WDR33: variants seen among roughly 807,000 people sequenced by gnomAD.
WDR33 encodes pre-mRNA 3' end processing protein WDR33.
A neutral mutation model predicts 164.9 loss-of-function variants in WDR33; 47 were observed. That is an observed-to-expected ratio of 0.29 (90% CI 0.23 to 0.36). The LOEUF (loss-of-function observed/expected upper bound fraction) is 0.36, where lower values mean the gene tolerates loss of function less well. WDR33 is among the 10% of genes least tolerant of loss of function. WDR33 has a pLI of 1.00. For missense variants in WDR33, 1,137 were observed against 1,754.1 expected (o/e 0.65, Z 6.28); for synonymous variants, 505 against 589.0 (o/e 0.86, Z 2.06).
intron 1 of WDR33, among the ~76,000 whole-genome samples, chr2:127,791,291 T>C (rs1271452064): frequency 2.6e-5 from 4 of 151,624 alleles, no homozygotes; most frequent in Admixed American, 6.6e-5. Context: ...CCCAAAGTAC[T>C]GTGATTACAG....
chr2:127,754,880 G>A (rs972599419), intron 7 of WDR33, among the ~76,000 whole-genome samples: 16 of 151,750 alleles, frequency 1.1e-4, no homozygotes, highest in African/African-American at 3.1e-4. Flanking sequence ...AACTATAATC[G>A]CAAGTCTCTT....
In WDR33 at chr2:127,701,967, C is replaced by A; in HGVS notation, c.*4356G>T. 1 of 1,392,812 alleles carries A rather than the reference C, an allele frequency of 7.2e-7. No homozygotes were observed. The allele number at this position is 1,392,812 out of a possible 1,614,324, so 86.3% of individuals were successfully genotyped here. On this transcript the variant is annotated 3_prime_UTR_variant, in exon 22 of 22. Transcript: ENST00000322313. The stretch of plus-strand genomic sequence containing the variant: ...CGAAGAAGCGCCGTCCCGGCCCGCG[C>A]TGCTCTACATGGCAGCGCTGGGCGC...
At chr2:127,711,366 A>C (rs1264495366) in intron 18 of WDR33, among the ~76,000 whole-genome samples, 1 of 147,898 alleles carries the variant, frequency 6.8e-6, no homozygotes, top group Admixed American at 6.9e-5. Flanking sequence ...TGGAGGCTGC[A>C]GTGAGCCGAG....
chr2:127,763,589 A>C lies in WDR33; in HGVS notation c.627-430T>G. ...TCTGCCTCAGACACTTCATGAAATA[A>C]GCTGAAACAATGTGGGCTGTCTATT... On this transcript the variant is annotated intron_variant, in intron 6 of 21. Transcript: ENST00000322313. The surrounding 1 kb of genome is among the most constrained non-coding windows in gnomAD (Gnocchi z 4.5). 1 of 999,864 alleles carries C rather than the reference A, an allele frequency of 1.0e-6. No individual in the cohort carries two copies. The highest frequency in any genetic ancestry group is 1.2e-6 in the Non-Finnish European group (1 of 838,716). The allele number at this position is 999,864 out of a possible 1,614,324, so 61.9% of individuals were successfully genotyped here.
intron 18 of WDR33, among the ~76,000 whole-genome samples, chr2:127,711,714 G>A (rs1686168169): frequency 7.0e-6 from 1 of 142,828 alleles, no homozygotes; most frequent in African/African-American, 2.7e-5. Flanking sequence ...CCACCCCTGA[G>A]GGTGGGCTGG....
intron 1 of WDR33, among the ~76,000 whole-genome samples, chr2:127,774,723 G>A (rs964411820): frequency 3.2e-4 from 48 of 152,166 alleles, no homozygotes; most frequent in Admixed American, 8.5e-4. Context: ...CCGGCTACTC[G>A]GGAGGCTGAG....
At chr2:127,760,449 A>T (rs150965424) in intron 7 of WDR33, among the ~76,000 whole-genome samples, 33 of 152,336 alleles carry the variant, frequency 2.2e-4, no homozygotes, top group African/African-American at 7.2e-4. Context: ...TTTGTGATCC[A>T]GTTTTCTCTG....
chr2:127,702,385 C>G lies in WDR33; in HGVS notation c.*3938G>C. 1 of 350,134 alleles carries G rather than the reference C, an allele frequency of 2.9e-6. No homozygotes were observed. The highest frequency in any genetic ancestry group is 5.1e-6 in the Non-Finnish European group (1 of 195,276). 21.7% of individuals were successfully genotyped at this position (350,134 alleles called of 1,614,324 possible). ...CTCGATGTCAGCTTTTTGTGCTGGA[C>G]TTGGCACACGCTCTGAAAACTGAGA... is the stretch of plus-strand genomic sequence containing the variant. On this transcript the variant is annotated 3_prime_UTR_variant, in exon 22 of 22. Transcript: ENST00000322313.
At chr2:127,736,733 A>C (rs1686856341) in intron 7 of WDR33, 6 of 985,470 alleles carry the variant, frequency 6.1e-6, no homozygotes, top group Non-Finnish European at 7.2e-6. Flanking sequence ...CAAAGTGAGC[A>C]AATTCTTATG....
intron 7 of WDR33, among the ~76,000 whole-genome samples, chr2:127,731,821 C>G (rs1290955823): frequency 6.6e-6 from 1 of 152,114 alleles, no homozygotes; most frequent in African/African-American, 2.4e-5. Context: ...CACTGTGGCT[C>G]ACACCTGTAA....
At chr2:127,729,269 T>C (rs1010723899) in intron 7 of WDR33, among the ~76,000 whole-genome samples, 3 of 152,218 alleles carry the variant, frequency 2.0e-5, no homozygotes, top group Non-Finnish European at 2.9e-5. Flanking sequence ...GGGACCACAC[T>C]GATGATATGG....
At position 127,701,758 on chromosome 2, in the gene WDR33, T is replaced by TGGCGGCG. The variant is rs1030943861; in HGVS notation, c.*4558_*4564dup. The TGGCGGCG allele has an allele frequency of 2.1e-5, 30 of 1,422,322 alleles. No homozygotes were observed. Among genetic ancestry groups the TGGCGGCG allele is most frequent in the Middle Eastern group, 2.5e-4 (1 of 4,002 alleles). 88.1% of individuals were successfully genotyped at this position (1,422,322 alleles called of 1,614,324 possible). On this transcript the variant is annotated 3_prime_UTR_variant, in exon 22 of 22. Transcript: ENST00000322313. ...CCGAGCGTGACGCGCGGGCAGCGGC[T>TGGCGGCG]GGCGGCGGGCGGCGGGTGCCTGCTG... is the stretch of plus-strand genomic sequence containing the variant.
Position 127,722,377 on chromosome 2 carries a change from T to A in WDR33, c.1518+214A>T, listed in dbSNP as rs1686461287. On this transcript the variant is annotated intron_variant, in intron 14 of 21. Transcript: ENST00000322313. This position sits in a 1 kb window ranked among gnomAD's most constrained non-coding sequence, Gnocchi z 5.1. ...CTTCTATTTCCTCTCATAGCATGGA[T>A]GATAATAAGCAGGTGAGGACAGAAC... Among the ~76,000 whole-genome samples the A allele has an allele frequency of 6.6e-6, 1 of 152,164 alleles. No homozygotes were observed. Among genetic ancestry groups the A allele is most frequent in the Middle Eastern group, 3.2e-3 (1 of 316 alleles).
intron 7 of WDR33, among the ~76,000 whole-genome samples, chr2:127,733,300 C>T (rs1686756554): frequency 1.3e-5 from 2 of 152,320 alleles, no homozygotes; most frequent in South Asian, 4.1e-4. Context: ...AGGGGACTGA[C>T]AGGAGTCTAT....
chr2:127,805,097 T>G (rs1689388900), intron 1 of WDR33, among the ~76,000 whole-genome samples: 1 of 130,268 alleles, frequency 7.7e-6, no homozygotes, highest in Non-Finnish European at 1.6e-5. Flanking sequence ...TTTTTTTTTT[T>G]GAGACAGGGT....
At position 127,709,406 on chromosome 2, in the gene WDR33, C is replaced by A; in HGVS notation, c.3565+84G>T. 1 of 1,347,262 alleles carries A rather than the reference C, an allele frequency of 7.4e-7. No homozygotes were observed. 83.5% of individuals were successfully genotyped at this position (1,347,262 alleles called of 1,614,324 possible). On this transcript the variant is annotated intron_variant, in intron 20 of 21. Coordinates refer to ENST00000322313, the MANE Select transcript of WDR33 (RefSeq NM_018383.5). The surrounding 1 kb of genome is among the most constrained non-coding windows in gnomAD (Gnocchi z 5.0). ...GGAGACATGAGCTGGAAAGAGGAGA[C>A]CCGGTGCACCCCAGAGAGGGCCCTC...
At chr2:127,802,312 T>G (rs1689276984) in intron 1 of WDR33, among the ~76,000 whole-genome samples, 1 of 152,214 alleles carries the variant, frequency 6.6e-6, no homozygotes, top group African/African-American at 2.4e-5. Context: ...AAAACTGGAA[T>G]GAACTCCAGA....
At chr2:127,809,293 C>T (rs1324010074) in intron 1 of WDR33, among the ~76,000 whole-genome samples, 1 of 152,008 alleles carries the variant, frequency 6.6e-6, no homozygotes, top group Non-Finnish European at 1.5e-5. Context: ...AGCCTTACGT[C>T]AATATAAAAC....
intron 7 of WDR33, among the ~76,000 whole-genome samples, chr2:127,730,180 A>T (rs574490105): frequency 1.3e-5 from 2 of 152,244 alleles, no homozygotes; most frequent in Non-Finnish European, 2.9e-5. Flanking sequence ...AACTTACTTG[A>T]TAACAGTGGA....
Sources: gnomAD v4.1 joint callset for allele counts (sites outside exome capture counted in the v4.1 genomes callset) on GRCh38, gnomAD v4.1.1 for gene constraint, Gnocchi (gnomAD v3.1) non-coding constraint, MANE v1.5 for transcripts, NCBI Gene and HGNC (gene_info 2026-07-23, HGNC 2026-07-21) for gene names.